The following EOGT variants were observed in gnomAD, a reference collection of about 807,000 sequenced individuals.
EOGT encodes the protein EGF domain-specific O-linked N-acetylglucosamine transferase.
A neutral mutation model predicts 70.5 loss-of-function variants in EOGT; 55 were observed. The ratio of observed to expected loss-of-function variants is 0.78; its 90% CI spans 0.63 to 0.98. The LOEUF (loss-of-function observed/expected upper bound fraction) is 0.98. Ranked by LOEUF, EOGT falls within the 50% of genes least tolerant of loss-of-function variation. The pLI, the probability that EOGT is intolerant of heterozygous loss-of-function variation, is 0.00. For missense variants in EOGT, 703 were observed against 641.9 expected (o/e 1.10, Z -1.03); for synonymous variants, 246 against 217.1 (o/e 1.13, Z -1.17).
At chr3:68,984,702 G>A (rs1043123009) in intron 14 of EOGT, among the ~76,000 whole-genome samples, 2 of 152,038 alleles carry the variant, frequency 1.3e-5, no homozygotes, top group East Asian at 1.9e-4. Context: ...ATCAAATTTC[G>A]CCTTTGGGTG....
chr3:68,977,861 T>C (rs2090516558), intron 17 of EOGT, 97 bp from the exon 18 acceptor site: 9 of 1,282,682 alleles, frequency 7.0e-6, no homozygotes, highest in Non-Finnish European at 9.6e-6. Flanking sequence ...GGCAACTAAT[T>C]TATGTTCTAC....
At chr3:68,997,972 G>C (rs772572863) in intron 10 of EOGT, 39 bp downstream of exon 10, 1 of 1,181,706 alleles carries the variant, frequency 8.5e-7, no homozygotes, top group African/African-American at 1.6e-5. Flanking sequence ...TGATACAAGG[G>C]AAAGACAGTA....
chr3:68,988,497 T>C lies in EOGT; in HGVS notation c.996+9A>G. ...AAATATGAATGCTAATGGTAGACAA[T>C]GTGCTTACCAGAGGAGTATTATAGA... On this transcript the variant is annotated intron_variant, in intron 12 of 17. Transcript: ENST00000383701. 1.3e-6 allele frequency: 2 copies of C among 1,522,862 alleles called. No individual in the cohort carries two copies. The highest frequency in any genetic ancestry group is 1.4e-5 in the African/African-American group (1 of 72,798). The allele number at this position is 1,522,862 out of a possible 1,614,324, so 94.3% of individuals were successfully genotyped here. A position where few individuals can be genotyped will look rare whatever the true frequency, so the allele number is the denominator to read the frequency against.
At chr3:68,988,673 C>T (rs2090890582) in intron 11 of EOGT, 96 bp from the exon 12 acceptor site, 1 of 740,252 alleles carries the variant, frequency 1.4e-6, no homozygotes, top group Admixed American at 2.8e-5. Flanking sequence ...AATTAATCTC[C>T]ATTTTGCATT....
intron 15 of EOGT, among the ~76,000 whole-genome samples, chr3:68,980,142 T>C (rs556903435): frequency 6.6e-6 from 1 of 152,322 alleles, no homozygotes; most frequent in East Asian, 1.9e-4. Context: ...GTAGATACTA[T>C]TGCAAGACAA....
chr3:68,993,115 G>GT (rs1003081183), intron 10 of EOGT, among the ~76,000 whole-genome samples: 23 of 152,138 alleles, frequency 1.5e-4, no homozygotes, highest in Non-Finnish European at 3.2e-4. Flanking sequence ...GTCTTGGGAA[G>GT]TAACATTAGG....
chr3:68,982,464 G>C (rs1011989030), intron 15 of EOGT, among the ~76,000 whole-genome samples: 1 of 152,154 alleles, frequency 6.6e-6, no homozygotes, highest in Non-Finnish European at 1.5e-5. Context: ...AGGTTGCAGT[G>C]AGCTGAGATG....
At position 69,007,807 on chromosome 3, in the gene EOGT, T is replaced by A. The variant is rs777918906; in HGVS notation, c.326A>T (p.Glu109Val). The change falls in exon 6 of 18, where the codon GAG (glutamate) becomes GTG (valine). Residue 109 changes from glutamate (E) to valine (V), a missense_variant. By Grantham distance (121) the Glu-to-Val change is moderately radical. Transcript: ENST00000383701. Reference sequence around the variant, plus strand: ...TTTCCAAAATATGTCCTCAGCTGACTCAAGAGTGTCCGTCCTATTTGCAAA... The same window carrying A: ...TTTCCAAAATATGTCCTCAGCTGACACAAGAGTGTCCGTCCTATTTGCAAA... ...YVDMGWTDTL[E>V]SAEDIFWKQA... is the part of the protein sequence containing the mutation. The A allele has an allele frequency of 5.0e-6, 8 of 1,609,592 alleles. No homozygotes were observed. In the South Asian group the frequency reaches 8.8e-5, roughly 18 times the overall value.
chr3:68,986,991 G>A (rs922506137), intron 14 of EOGT, among the ~76,000 whole-genome samples: 1 of 152,222 alleles, frequency 6.6e-6, no homozygotes, highest in Non-Finnish European at 1.5e-5. Flanking sequence ...ATGAGTTGGT[G>A]CTACTGAAAT....
rs2090467478 is a variant in EOGT, at chr3:68,976,138, A to G, written c.*1480T>C. 6.6e-6 allele frequency: 1 copy of G among 152,238 alleles called. No homozygotes were observed. The highest frequency in any genetic ancestry group is 2.4e-5 in the African/African-American group (1 of 41,470). The allele number at this position is 152,238 out of a possible 1,614,324, so 9.4% of individuals were successfully genotyped here. ...ACATTCCAGATATTCTTTTTAATCAATGACACTGTTTTAGAGCTTCTTTTT... is the reference window on the plus strand; with the variant it reads ...ACATTCCAGATATTCTTTTTAATCAGTGACACTGTTTTAGAGCTTCTTTTT... On this transcript the variant is annotated 3_prime_UTR_variant, in exon 18 of 18. Coordinates refer to ENST00000383701, the MANE Select transcript of EOGT (RefSeq NM_001278689.2).
chr3:69,006,953 G>A (rs1419485092), intron 6 of EOGT, among the ~76,000 whole-genome samples: 4 of 152,148 alleles, frequency 2.6e-5, no homozygotes, highest in Admixed American at 6.5e-5. Context: ...CTGCTATAAC[G>A]CTTATAAGCA....
intron 5 of EOGT, 40 bp downstream of exon 5, chr3:69,008,388 A>C: frequency 7.2e-7 from 1 of 1,395,718 alleles, no homozygotes; most frequent in South Asian, 1.2e-5. Context: ...CTGTATAGAA[A>C]GAGGAAGACT....
intron 8 of EOGT, among the ~76,000 whole-genome samples, chr3:69,003,150 T>C (rs2091346280): frequency 6.6e-6 from 1 of 152,140 alleles, no homozygotes; most frequent in African/African-American, 2.4e-5. Flanking sequence ...ACACAAGTGA[T>C]AAAATTTTAA....
intron 14 of EOGT, among the ~76,000 whole-genome samples, chr3:68,984,980 C>T (rs898075834): frequency 3.9e-5 from 6 of 152,250 alleles, no homozygotes; most frequent in Admixed American, 3.3e-4. Flanking sequence ...AATCACCAGC[C>T]GGGTGACCTT....
chr3:69,001,174 G>A (rs1213474336), intron 9 of EOGT, among the ~76,000 whole-genome samples: 1 of 152,000 alleles, frequency 6.6e-6, no homozygotes, highest in Non-Finnish European at 1.5e-5. Flanking sequence ...TGGCCAGGAT[G>A]GTCTCGATCT....
intron 10 of EOGT, among the ~76,000 whole-genome samples, chr3:68,993,963 C>G (rs1225373436): frequency 1.3e-5 from 2 of 152,102 alleles, no homozygotes; most frequent in African/African-American, 4.8e-5. Flanking sequence ...CCTCCCACAA[C>G]ATGTGGGAAT....
chr3:68,984,541 T>A (rs140373931), intron 14 of EOGT, among the ~76,000 whole-genome samples: 1 of 152,216 alleles, frequency 6.6e-6, no homozygotes, highest in East Asian at 1.9e-4. Flanking sequence ...ATGAGGCCAT[T>A]TGGGTTGATT....
At chr3:68,982,325 G>A (rs2090669347) in intron 15 of EOGT, among the ~76,000 whole-genome samples, 2 of 152,008 alleles carry the variant, frequency 1.3e-5, no homozygotes, top group Non-Finnish European at 2.9e-5. Context: ...TTCAAGACCA[G>A]CCTGACCAAT....
chr3:68,998,094 A>C lies in EOGT; in HGVS notation c.748T>G (p.Phe250Val). The C allele has an allele frequency of 6.3e-7, 1 of 1,593,380 alleles. No individual in the cohort carries two copies. The highest frequency in any genetic ancestry group is 1.1e-5 in the South Asian group (1 of 88,556). The part of the protein sequence containing the change: ...LDAGVNMYHH[F>V]CDFINLYITQ... ...ATATAAAGATTGATGAAATCACAGA[A>C]GTGGTGATACATGTTAACACCTAGT... Residue 250 changes from phenylalanine (F) to valine (V), a missense_variant, in exon 10 of 18, where the codon TTC (phenylalanine) becomes GTC (valine). Transcript: ENST00000383701.
Sources: allele counts gnomAD v4.1 joint callset (sites outside exome capture counted in the v4.1 genomes callset), GRCh38; gene constraint gnomAD v4.1.1; transcripts MANE v1.5; gene names NCBI Gene and HGNC (gene_info 2026-07-23, HGNC 2026-07-21).